The following CORIN variants were observed in gnomAD, a reference collection of about 807,000 sequenced individuals.
The protein encoded by CORIN is corin, serine peptidase.
A neutral mutation model predicts 125.3 loss-of-function variants in CORIN; 117 were observed. The observed-to-expected ratio is 0.93, with a 90% CI of 0.80 to 1.09. The LOEUF (loss-of-function observed/expected upper bound fraction) is 1.09, where lower values mean the gene tolerates loss of function less well. Among genes scored for constraint, CORIN ranks in the 50% least tolerant of loss-of-function variants. CORIN has a pLI of 0.00. For synonymous variants in CORIN, 450 were observed against 466.4 expected, an observed-to-expected ratio of 0.96 and a Z score of 0.45; for missense variants, 1,253 against 1,306.7, an observed-to-expected ratio of 0.96 and a Z score of 0.63.
intron 4 of CORIN, among the ~76,000 whole-genome samples, chr4:47,753,788 C>T (rs761456133): frequency 2.6e-5 from 4 of 152,020 alleles, no homozygotes; most frequent in Non-Finnish European, 4.4e-5. Context: ...TGTTCAAACA[C>T]ACGTTTTACA....
At chr4:47,818,935 ATATATTGAACAGGG>A (rs1351000514) in intron 1 of CORIN, among the ~76,000 whole-genome samples, 2 of 151,964 alleles carry the variant, frequency 1.3e-5, no homozygotes, top group Non-Finnish European at 2.9e-5. Flanking sequence ...GAAAATCTGG[ATATATTGAACAGGG>A]TAAGATCTGG....
At chr4:47,775,002 G>A (rs947292952) in intron 3 of CORIN, among the ~76,000 whole-genome samples, 19 of 152,164 alleles carry the variant, frequency 1.2e-4, no homozygotes, top group East Asian at 1.9e-4. Context: ...AGTTTCAGGC[G>A]TGCAAGATGA....
chr4:47,595,636 A>AC lies in CORIN; in HGVS notation c.*84dup. The AC allele has an allele frequency of 9.3e-7, 1 of 1,074,676 alleles. No individual in the cohort carries two copies. The highest frequency in any genetic ancestry group is 1.3e-6 in the Non-Finnish European group (1 of 747,776). 66.6% of individuals were successfully genotyped at this position (1,074,676 alleles called of 1,614,324 possible). ...TTCTGTCCATGAAAAGTGCTTCTGT[A>AC]CAGCTCTCTGCAGGCAGCTCTTCAC... On this transcript the variant is annotated 3_prime_UTR_variant, in exon 22 of 22. Transcript: ENST00000273857.
chr4:47,626,381 C>T, intron 17 of CORIN, 24 bp downstream of exon 17: 1 of 1,319,446 alleles, frequency 7.6e-7, no homozygotes. Context: ...TGACTCTACA[C>T]AGCTCTTATG....
At chr4:47,628,106 G>A (rs1337608629) in intron 16 of CORIN, among the ~76,000 whole-genome samples, 1 of 152,140 alleles carries the variant, frequency 6.6e-6, no homozygotes, top group African/African-American at 2.4e-5. Flanking sequence ...GGATAGGGGA[G>A]TATCATTATG....
intron 16 of CORIN, among the ~76,000 whole-genome samples, chr4:47,630,750 G>T (rs1277876734): frequency 1.3e-5 from 2 of 152,212 alleles, no homozygotes; most frequent in Admixed American, 1.3e-4. Context: ...GGACTCCTGA[G>T]AACAGTGGGT....
intron 19 of CORIN, among the ~76,000 whole-genome samples, chr4:47,614,643 G>T (rs139178543): frequency 2.6e-5 from 4 of 152,318 alleles, no homozygotes; most frequent in African/African-American, 7.2e-5. Context: ...GAGCTGGTGA[G>T]ATCACTGACT....
chr4:47,757,467 G>A (rs555015504), intron 4 of CORIN, among the ~76,000 whole-genome samples: 14 of 151,872 alleles, frequency 9.2e-5, no homozygotes, highest in Non-Finnish European at 1.5e-4. Flanking sequence ...GGTGGTGGGC[G>A]CCTGTAATCC....
intron 19 of CORIN, among the ~76,000 whole-genome samples, chr4:47,612,837 C>A (rs1224253872): frequency 6.6e-6 from 1 of 152,200 alleles, no homozygotes; most frequent in African/African-American, 2.4e-5. Flanking sequence ...AAGATGTGTG[C>A]TCTTTCCTGA....
chr4:47,708,617 T>C (rs577631846), intron 5 of CORIN, among the ~76,000 whole-genome samples: 1 of 152,180 alleles, frequency 6.6e-6, no homozygotes, highest in African/African-American at 2.4e-5. Flanking sequence ...TCATTTTTTA[T>C]GTGCCTCTGG....
intron 4 of CORIN, among the ~76,000 whole-genome samples, chr4:47,749,326 C>T (rs890858837): frequency 1.3e-5 from 2 of 152,160 alleles, no homozygotes; most frequent in Non-Finnish European, 2.9e-5. Context: ...CTAACAGACT[C>T]TCTCCCTTAC....
At chr4:47,637,434 C>G (rs1319488580) in intron 16 of CORIN, among the ~76,000 whole-genome samples, 1 of 152,234 alleles carries the variant, frequency 6.6e-6, no homozygotes, top group Admixed American at 6.5e-5. Context: ...TTCATGGCAG[C>G]CCCTCCCATC....
chr4:47,730,093 G>T (rs1048448907), intron 5 of CORIN, among the ~76,000 whole-genome samples: 2 of 152,186 alleles, frequency 1.3e-5, no homozygotes, highest in African/African-American at 4.8e-5. Context: ...GGTACAGAAG[G>T]CTGTCACACT....
In CORIN at chr4:47,816,142, A is replaced by C. The variant is rs574399414; in HGVS notation, c.64-9095T>G. ...ATTCATTTCAGGCATTTCAATGCAAAGTAAAACATAAACAGATGTTGAAAA... is the reference window on the plus strand; with the variant it reads ...ATTCATTTCAGGCATTTCAATGCAACGTAAAACATAAACAGATGTTGAAAA... On this transcript the variant is annotated intron_variant, in intron 1 of 21. Coordinates refer to ENST00000273857, the MANE Select transcript of CORIN (RefSeq NM_006587.4). Among the ~76,000 whole-genome samples, 7 of 152,344 alleles carry C rather than the reference A, an allele frequency of 4.6e-5. No individual in the cohort carries two copies. In the South Asian group the frequency reaches 1.5e-3, roughly 32 times the overall value.
intron 5 of CORIN, among the ~76,000 whole-genome samples, chr4:47,695,356 C>T (rs575640269): frequency 1.3e-5 from 2 of 152,292 alleles, no homozygotes; most frequent in African/African-American, 4.8e-5. Flanking sequence ...AGAATTATTG[C>T]ATTCCCCACC....
intron 4 of CORIN, among the ~76,000 whole-genome samples, chr4:47,754,474 T>C (rs1441686389): frequency 1.3e-5 from 2 of 152,144 alleles, no homozygotes; most frequent in Non-Finnish European, 2.9e-5. Flanking sequence ...TACTGATCTA[T>C]ATATATTTTA....
intron 5 of CORIN, among the ~76,000 whole-genome samples, chr4:47,698,957 G>A (rs1726162347): frequency 6.6e-6 from 1 of 152,198 alleles, no homozygotes; most frequent in Admixed American, 6.5e-5. Context: ...CCATAGGCTG[G>A]ACTGCATAGC....
intron 7 of CORIN, chr4:47,682,069 C>G (rs1725309201): frequency 6.6e-6 from 1 of 152,150 alleles, no homozygotes; most frequent in Non-Finnish European, 1.5e-5. Context: ...TGCCCTCACT[C>G]ATATGCAGAG....
chr4:47,640,479 GT>G (rs1446340871), intron 16 of CORIN, among the ~76,000 whole-genome samples: 1 of 152,210 alleles, frequency 6.6e-6, no homozygotes, highest in Non-Finnish European at 1.5e-5. Context: ...ACCTGGTCCA[GT>G]GGGTACGAGA....
Sources: allele counts gnomAD v4.1 joint callset (sites outside exome capture counted in the v4.1 genomes callset), GRCh38; gene constraint gnomAD v4.1.1; transcripts MANE v1.5; gene names NCBI Gene and HGNC (gene_info 2026-07-23, HGNC 2026-07-21).